The following RAB11FIP4 variants were observed in gnomAD, a reference collection of about 807,000 sequenced individuals.
RAB11FIP4 encodes the protein rab11 family-interacting protein 4.
A neutral mutation model predicts 74.3 loss-of-function variants in RAB11FIP4; 23 were observed. The ratio of observed to expected loss-of-function variants is 0.31; its 90% CI spans 0.22 to 0.44. The LOEUF (loss-of-function observed/expected upper bound fraction) is 0.44. Ranked by LOEUF, RAB11FIP4 falls within the 20% of genes least tolerant of loss-of-function variation. The probability of loss-of-function intolerance (pLI) is 1.00; values close to 1 mark genes in which losing one functional copy is unlikely to be tolerated. For synonymous variants in RAB11FIP4, 360 were observed against 359.9 expected (o/e 1.00, Z 0.00); for missense variants, 630 against 863.9 (o/e 0.73, Z 3.39).
chr17:31,527,560 C>CAA (rs1268486308), intron 10 of RAB11FIP4: 1 of 339,544 alleles, frequency 2.9e-6, no homozygotes, highest in Non-Finnish European at 5.4e-6. Context: ...TGCCACCTCA[C>CAA]TCCAGCCTGG....
At chr17:31,482,593 A>G (rs896494711) in intron 3 of RAB11FIP4, among the ~76,000 whole-genome samples, 5 of 151,342 alleles carry the variant, frequency 3.3e-5, no homozygotes, top group Admixed American at 6.6e-5. Flanking sequence ...TCTAAAAGAA[A>G]AAAAAAGAAA....
chr17:31,531,397 G>A (rs957175367), intron 14 of RAB11FIP4, among the ~76,000 whole-genome samples: 2 of 152,172 alleles, frequency 1.3e-5, no homozygotes, highest in Non-Finnish European at 2.9e-5. Flanking sequence ...ATCTCTGGGG[G>A]TGGGGCCTGG....
intron 1 of RAB11FIP4, 43 bp downstream of exon 1, chr17:31,392,054 CAGCCCCGCCG>C: frequency 3.3e-6 from 4 of 1,207,042 alleles, no homozygotes; most frequent in East Asian, 3.4e-5. Flanking sequence ...GACCCCAGCC[CAGCCCCGCCG>C]CCCCTCCCCC....
intron 3 of RAB11FIP4, among the ~76,000 whole-genome samples, chr17:31,436,231 T>A (rs549217090): frequency 2.0e-5 from 3 of 152,282 alleles, no homozygotes; most frequent in South Asian, 4.2e-4. Flanking sequence ...GCTGTGCCAA[T>A]CTGGAGGGTC....
Position 31,445,530 on chromosome 17 carries a change from TTTTATATATATATATATA to T in RAB11FIP4, c.336+11410_336+11427del, listed in dbSNP as rs1271165409. On this transcript the variant is annotated intron_variant, in intron 3 of 14. Coordinates refer to ENST00000621161, the MANE Select transcript of RAB11FIP4 (RefSeq NM_032932.6). ...AAAATCTACATTCAAATTTTCCCAA[TTTTATATATATATATATA>T]TATATATATATATATATATATATAT... 9.8e-3 allele frequency among the ~76,000 whole-genome samples: 359 copies of T among 36,710 alleles called. 29 individuals are homozygous for T. The highest frequency in any genetic ancestry group is 0.072 in the East Asian group (68 of 950). 24.1% of individuals were successfully genotyped at this position (36,710 alleles called of 152,430 possible).
chr17:31,496,258 G>C (rs2072114048), intron 3 of RAB11FIP4, among the ~76,000 whole-genome samples: 2 of 152,232 alleles, frequency 1.3e-5, no homozygotes, highest in South Asian at 4.1e-4. Context: ...CTCGCCAGCT[G>C]TGTGGCCTTG....
intron 2 of RAB11FIP4, 111 bp downstream of exon 2, chr17:31,432,011 C>T: frequency 1.3e-6 from 1 of 779,358 alleles, no homozygotes; most frequent in Non-Finnish European, 2.1e-6. Context: ...GTCCCAGAGC[C>T]CAGGATGGGC....
At chr17:31,515,869 C>G (rs1315508467) in intron 3 of RAB11FIP4, among the ~76,000 whole-genome samples, 2 of 152,190 alleles carry the variant, frequency 1.3e-5, no homozygotes, top group African/African-American at 4.8e-5. Context: ...CGAAGCTCTT[C>G]TATCTGATGA....
At chr17:31,522,979 G>A (rs1046797774) in intron 7 of RAB11FIP4, 1 of 175,126 alleles carries the variant, frequency 5.7e-6, no homozygotes, top group East Asian at 1.5e-4. Context: ...TTTTGCCTCA[G>A]GCACGGGTTA....
intron 3 of RAB11FIP4, among the ~76,000 whole-genome samples, chr17:31,453,792 C>CAAAAAAAAAAAAAAAAAAA (rs555119408): frequency 3.2e-5 from 2 of 62,604 alleles, no homozygotes; most frequent in Non-Finnish European, 6.9e-5. Context: ...AGACTCGTCT[C>CAAAAAAAAAAAAAAAAAAA]AAAAAAAAAA....
At chr17:31,457,500 C>G (rs1359925188) in intron 3 of RAB11FIP4, among the ~76,000 whole-genome samples, 2 of 152,102 alleles carry the variant, frequency 1.3e-5, no homozygotes, top group African/African-American at 4.8e-5. Context: ...CTCACCCCAC[C>G]CCAGTCCCCC....
At chr17:31,453,078 C>T (rs554268424) in intron 3 of RAB11FIP4, among the ~76,000 whole-genome samples, 3 of 152,190 alleles carry the variant, frequency 2.0e-5, no homozygotes, top group Admixed American at 6.5e-5. Flanking sequence ...AGGCTGGGCA[C>T]GGTGGCTCAC....
intron 3 of RAB11FIP4, among the ~76,000 whole-genome samples, chr17:31,485,476 A>G (rs1232905162): frequency 6.6e-6 from 1 of 152,060 alleles, no homozygotes; most frequent in Non-Finnish European, 1.5e-5. Context: ...AGGGATGATC[A>G]CCCTTGGTTT....
chr17:31,456,101 C>T (rs574609431), intron 3 of RAB11FIP4, among the ~76,000 whole-genome samples: 2 of 152,228 alleles, frequency 1.3e-5, no homozygotes, highest in East Asian at 1.9e-4. Flanking sequence ...CTTGCAAATA[C>T]GTCTTTACTG....
intron 3 of RAB11FIP4, among the ~76,000 whole-genome samples, chr17:31,508,839 C>T (rs2072401187): frequency 6.6e-6 from 1 of 152,156 alleles, no homozygotes; most frequent in African/African-American, 2.4e-5. Context: ...TCTGTGGGCT[C>T]CTCTGACGCT....
At chr17:31,520,437 T>A (rs2072640900) in intron 4 of RAB11FIP4, among the ~76,000 whole-genome samples, 1 of 152,206 alleles carries the variant, frequency 6.6e-6, no homozygotes, top group Admixed American at 6.5e-5. Flanking sequence ...AGCAAGTTTA[T>A]TAAGGAAATA....
chr17:31,531,739 G>A lies in RAB11FIP4; in HGVS notation c.*7G>A, dbSNP rs758332156. ...CCTCGAGATCAAACACTAAGGCACG[G>A]GGCTGGCTGCAGAGCAGCCTTAGGA... On this transcript the variant is annotated 3_prime_UTR_variant, in exon 15 of 15. Transcript: ENST00000621161. 1 of 1,594,428 alleles carries A rather than the reference G, an allele frequency of 6.3e-7. No homozygotes were observed. The highest frequency in any genetic ancestry group is 1.7e-5 in the Admixed American group (1 of 59,998).
intron 1 of RAB11FIP4, among the ~76,000 whole-genome samples, chr17:31,419,480 G>A (rs570410887): frequency 6.6e-5 from 10 of 151,346 alleles, no homozygotes; most frequent in African/African-American, 2.2e-4. Context: ...TCCTGGATTC[G>A]ATTTGCTAAT....
At chr17:31,497,351 G>A (rs988650689) in intron 3 of RAB11FIP4, among the ~76,000 whole-genome samples, 3 of 151,944 alleles carry the variant, frequency 2.0e-5, no homozygotes, top group Non-Finnish European at 4.4e-5. Flanking sequence ...GCGACAGAGC[G>A]ATACTCCATC....
Sources: gnomAD v4.1 joint callset for allele counts (sites outside exome capture counted in the v4.1 genomes callset) on GRCh38, gnomAD v4.1.1 for gene constraint, MANE v1.5 for transcripts, NCBI Gene and HGNC (gene_info 2026-07-23, HGNC 2026-07-21) for gene names.